The following GRM7 variants were observed in gnomAD, a reference collection of about 807,000 sequenced individuals.
The protein encoded by GRM7 is metabotropic glutamate receptor 7.
A neutral mutation model predicts 84.5 loss-of-function variants in GRM7; 35 were observed. That is an observed-to-expected ratio of 0.41 (90% CI 0.32 to 0.55). GRM7 has a LOEUF of 0.55. Ranked by LOEUF, GRM7 falls within the 20% of genes least tolerant of loss-of-function variation. The pLI is 0.19. For missense variants in GRM7, 1,003 were observed against 1,194.6 expected, an observed-to-expected ratio of 0.84 and a Z score of 2.36; for synonymous variants, 487 against 455.1, an observed-to-expected ratio of 1.07 and a Z score of -0.89.
chr3:6,906,459 CT>C (rs1207976198), intron 1 of GRM7, among the ~76,000 whole-genome samples: 6 of 152,130 alleles, frequency 3.9e-5, no homozygotes, highest in Admixed American at 3.9e-4. Flanking sequence ...TTTTTGGCTT[CT>C]ATCTTATAAG....
intron 3 of GRM7, among the ~76,000 whole-genome samples, chr3:7,305,252 G>GT (rs1700147416): frequency 2.7e-5 from 4 of 147,430 alleles, no homozygotes; most frequent in East Asian, 2.0e-4. Flanking sequence ...CTATTTTGGT[G>GT]TTTTTTTGTT....
intron 1 of GRM7, among the ~76,000 whole-genome samples, chr3:7,006,285 A>C (rs1695181458): frequency 6.6e-6 from 1 of 152,194 alleles, no homozygotes; most frequent in Non-Finnish European, 1.5e-5. Context: ...ACTGAAACTC[A>C]GTTGATATAC....
intron 2 of GRM7, 55 bp from the exon 3 acceptor site, chr3:7,298,629 C>T (rs1699893309): frequency 2.7e-6 from 4 of 1,504,492 alleles, no homozygotes; most frequent in Admixed American, 1.8e-5. Context: ...TTCCTTGGCT[C>T]CTTTGACATC....
intron 1 of GRM7, among the ~76,000 whole-genome samples, chr3:6,920,083 T>C (rs772200351): frequency 2.6e-5 from 4 of 152,192 alleles, no homozygotes; most frequent in Non-Finnish European, 4.4e-5. Flanking sequence ...TAATATATAA[T>C]ACATATAACC....
At chr3:7,656,224 T>C (rs1473598233) in intron 8 of GRM7, among the ~76,000 whole-genome samples, 1 of 152,110 alleles carries the variant, frequency 6.6e-6, no homozygotes, top group Non-Finnish European at 1.5e-5. Flanking sequence ...GCGCGATGGC[T>C]CACTCCTGTA....
intron 8 of GRM7, among the ~76,000 whole-genome samples, chr3:7,585,122 T>G (rs1695460709): frequency 6.6e-6 from 1 of 152,196 alleles, no homozygotes; most frequent in South Asian, 2.1e-4. Flanking sequence ...CAGTGCATAG[T>G]TTTTGCTGAT....
chr3:7,182,181 G>A (rs1305439580), intron 2 of GRM7, among the ~76,000 whole-genome samples: 1 of 151,588 alleles, frequency 6.6e-6, no homozygotes, highest in Non-Finnish European at 1.5e-5. Context: ...GAATTATGCA[G>A]CTTATTAAAA....
intron 2 of GRM7, among the ~76,000 whole-genome samples, chr3:7,176,616 G>T (rs1264594418): frequency 1.3e-5 from 2 of 152,162 alleles, no homozygotes; most frequent in African/African-American, 4.8e-5. Context: ...GCCTAGAAAG[G>T]TAAGCTAAGT....
Position 7,298,800 on chromosome 3 carries a change from A to G in GRM7, c.853A>G (p.Ile285Val), listed in dbSNP as rs945262806. Residue 285 changes from isoleucine (I) to valine (V), a missense_variant, in exon 3 of 10, where the codon ATT becomes GTT. Physicochemically the swap from Ile to Val is conservative, Grantham distance 29. Around this residue, in one of 2 missense-constraint regions of GRM7, gnomAD observed 910 missense variants for 1,126.0 expected, o/e 0.81. Transcript: ENST00000357716. ...LDTPNSRAVV[I>V]FANDEDIKQI... ...CACCCCCAACTCCAGGGCCGTCGTG[A>G]TTTTTGCCAACGATGAGGATATAAA... 10 of 1,613,780 alleles carry G rather than the reference A, an allele frequency of 6.2e-6. No homozygotes were observed. Among genetic ancestry groups the G allele is most frequent in the Non-Finnish European group, 8.5e-6 (10 of 1,179,758 alleles).
At chr3:7,022,537 A>G (rs1439239487) in intron 1 of GRM7, among the ~76,000 whole-genome samples, 2 of 152,016 alleles carry the variant, frequency 1.3e-5, no homozygotes, top group Non-Finnish European at 2.9e-5. Flanking sequence ...CCCCAAAAAA[A>G]TATTTTCTTT....
chr3:6,886,456 G>T (rs987737912), intron 1 of GRM7, among the ~76,000 whole-genome samples: 2 of 152,000 alleles, frequency 1.3e-5, no homozygotes, highest in Non-Finnish European at 2.9e-5. Context: ...TAACAAACTT[G>T]CATATTGTGC....
At chr3:7,055,937 T>C (rs1253804724) in intron 1 of GRM7, among the ~76,000 whole-genome samples, 2 of 152,012 alleles carry the variant, frequency 1.3e-5, no homozygotes, top group African/African-American at 4.8e-5. Flanking sequence ...CTAGTTGTGC[T>C]AACTCCACAG....
At chr3:6,919,540 G>A (rs1314115633) in intron 1 of GRM7, among the ~76,000 whole-genome samples, 2 of 150,354 alleles carry the variant, frequency 1.3e-5, no homozygotes, top group African/African-American at 2.4e-5. Context: ...GCTTCAAAAC[G>A]TAGAAAAACA....
At chr3:7,555,204 C>A (rs1693700359) in intron 7 of GRM7, among the ~76,000 whole-genome samples, 1 of 152,186 alleles carries the variant, frequency 6.6e-6, no homozygotes, top group Non-Finnish European at 1.5e-5. Context: ...CTGATTGGTT[C>A]ACTCTAAGTG....
At chr3:7,054,458 T>C (rs1446667075) in intron 1 of GRM7, among the ~76,000 whole-genome samples, 1 of 151,460 alleles carries the variant, frequency 6.6e-6, no homozygotes, top group East Asian at 2.0e-4. Flanking sequence ...TGTTCTTGTC[T>C]GAGTGCACTG....
chr3:7,148,578 A>G (rs1011270906), intron 2 of GRM7, among the ~76,000 whole-genome samples: 2 of 152,168 alleles, frequency 1.3e-5, no homozygotes, highest in African/African-American at 2.4e-5. Context: ...ATAAAAAACT[A>G]TATTCTATAG....
chr3:7,538,158 G>A (rs1477865497), intron 7 of GRM7, among the ~76,000 whole-genome samples: 1 of 152,096 alleles, frequency 6.6e-6, no homozygotes, highest in Admixed American at 6.6e-5. Flanking sequence ...TGCCCAGGCT[G>A]GAGTGCAATG....
At chr3:6,970,694 G>A (rs1033197838) in intron 1 of GRM7, among the ~76,000 whole-genome samples, 14 of 151,978 alleles carry the variant, frequency 9.2e-5, no homozygotes, top group African/African-American at 3.1e-4. Flanking sequence ...AAAACCAAGA[G>A]AGAGGCCAGG....
intron 1 of GRM7, among the ~76,000 whole-genome samples, chr3:7,111,094 C>G (rs1355272371): frequency 6.6e-6 from 1 of 152,048 alleles, no homozygotes; most frequent in African/African-American, 2.4e-5. Flanking sequence ...GGGTCAATAA[C>G]AGGTGTCAGA....
Sources: allele counts gnomAD v4.1 joint callset (sites outside exome capture counted in the v4.1 genomes callset), GRCh38; gene constraint gnomAD v4.1.1; regional missense constraint gnomAD v4.1.1; transcripts MANE v1.5; gene names NCBI Gene and HGNC (gene_info 2026-07-23, HGNC 2026-07-21).